MPPED1: variants seen among roughly 807,000 people sequenced by gnomAD.
MPPED1 encodes the protein metallophosphoesterase domain containing 1.
MPPED1 carries 16 observed loss-of-function variants against 36.2 expected under a neutral mutation model. The ratio of observed to expected loss-of-function variants is 0.44; its 90% CI spans 0.30 to 0.67. The LOEUF (loss-of-function observed/expected upper bound fraction) is 0.67. MPPED1 is among the 30% of genes least tolerant of loss of function. MPPED1 has a pLI of 0.10. For synonymous variants in MPPED1, 199 were observed against 191.3 expected, an observed-to-expected ratio of 1.04 and a Z score of -0.33; for missense variants, 307 against 453.4, an observed-to-expected ratio of 0.68 and a Z score of 2.93.
intron 5 of MPPED1, among the ~76,000 whole-genome samples, chr22:43,500,597 TCAGTCTCCCAG>T: frequency 6.6e-6 from 1 of 152,018 alleles, no homozygotes; most frequent in South Asian, 2.1e-4. Context: ...TGAATGAAGT[TCAGTCTCCCAG>T]CAGTTCGGCC....
At chr22:43,463,493 A>C (rs1400530019) in intron 3 of MPPED1, among the ~76,000 whole-genome samples, 1 of 151,962 alleles carries the variant, frequency 6.6e-6, no homozygotes, top group Non-Finnish European at 1.5e-5. Context: ...CACTGTGGCC[A>C]GCCTGATTTT....
chr22:43,475,586 GTGGTGGTGATGGTGGTGATGA>G (rs1384020812), intron 4 of MPPED1, among the ~76,000 whole-genome samples: 18 of 135,292 alleles, frequency 1.3e-4, no homozygotes, highest in Non-Finnish European at 1.6e-5. Context: ...GGTGGTGGTG[GTGGTGGTGATGGTGGTGATGA>G]TGGTGGTGAT....
intron 2 of MPPED1, among the ~76,000 whole-genome samples, chr22:43,426,671 G>A (rs1204143646): frequency 1.3e-5 from 2 of 152,232 alleles, no homozygotes; most frequent in African/African-American, 4.8e-5. Flanking sequence ...GGCCTCTGTT[G>A]TGGGGAGAGG....
At chr22:43,458,833 A>G (rs1205018093) in intron 3 of MPPED1, among the ~76,000 whole-genome samples, 1 of 152,094 alleles carries the variant, frequency 6.6e-6, no homozygotes, top group Admixed American at 6.5e-5. Context: ...CCTTCTTCCT[A>G]GCGTTTGTAT....
At chr22:43,447,341 G>A (rs1038941216) in intron 3 of MPPED1, among the ~76,000 whole-genome samples, 3 of 152,138 alleles carry the variant, frequency 2.0e-5, no homozygotes, top group African/African-American at 7.2e-5. Context: ...TTTTTAAAAT[G>A]TCATTTTCAT....
chr22:43,500,153 G>T lies in MPPED1; in HGVS notation c.748+1803G>T, dbSNP rs1456719286. ...AGGTGGTAATGGAGGTGGTGGGGGTGGTGGTGGTGATGGTGATGGAGGTGG... is the reference window on the plus strand; with the variant it reads ...AGGTGGTAATGGAGGTGGTGGGGGTTGTGGTGGTGATGGTGATGGAGGTGG... On this transcript the variant is annotated intron_variant, in intron 5 of 6. Coordinates refer to ENST00000443721, the MANE Select transcript of MPPED1 (RefSeq NM_001044370.2). Among the ~76,000 whole-genome samples, 8 of 105,838 alleles carry T rather than the reference G, an allele frequency of 7.6e-5. 1 individual carries two copies. The highest frequency in any genetic ancestry group is 4.1e-4 in the African/African-American group (8 of 19,444). 69.4% of individuals were successfully genotyped at this position (105,838 alleles called of 152,430 possible).
chr22:43,463,811 C>CTTTCTTTCTTTTTTT (rs1263255803), intron 3 of MPPED1, among the ~76,000 whole-genome samples: 415 of 24,242 alleles, frequency 0.017, 20 homozygotes, highest in Non-Finnish European at 0.027. Flanking sequence ...TTTTTCTTTT[C>CTTTCTTTCTTTTTTT]TTTCTTTCTT....
chr22:43,473,900 T>G (rs1348660413), intron 3 of MPPED1, among the ~76,000 whole-genome samples: 1 of 152,238 alleles, frequency 6.6e-6, no homozygotes, highest in Non-Finnish European at 1.5e-5. Flanking sequence ...GAGAAAGATG[T>G]GTACCTTGGA....
chr22:43,505,471 C>G, intron 6 of MPPED1, 27 bp from the exon 7 acceptor site: 1 of 1,579,812 alleles, frequency 6.3e-7, no homozygotes, highest in Non-Finnish European at 8.6e-7. Flanking sequence ...TGGCTGCTGG[C>G]CTGATGGGCA....
At chr22:43,495,513 T>G (rs1602016060) in intron 4 of MPPED1, among the ~76,000 whole-genome samples, 1 of 123,960 alleles carries the variant, frequency 8.1e-6, no homozygotes, top group Non-Finnish European at 1.7e-5. Flanking sequence ...GAGGTGGTGG[T>G]GGTGGTGGAG....
intron 3 of MPPED1, among the ~76,000 whole-genome samples, chr22:43,444,279 GGTGTGTGTGT>G (rs35340638): frequency 0.017 from 2,463 of 141,826 alleles, 68 homozygotes; most frequent in African/African-American, 0.057. Context: ...GACCCACTGG[GGTGTGTGTGT>G]GTGTGTGTGT....
intron 5 of MPPED1, among the ~76,000 whole-genome samples, chr22:43,500,944 C>T (rs373868981): frequency 1.2e-4 from 18 of 151,988 alleles, no homozygotes; most frequent in African/African-American, 3.9e-4. Flanking sequence ...AGGCAGAGGC[C>T]ATGGGGGAGG....
chr22:43,471,447 A>G (rs1931373409), intron 3 of MPPED1, among the ~76,000 whole-genome samples: 1 of 152,182 alleles, frequency 6.6e-6, no homozygotes, highest in African/African-American at 2.4e-5. Context: ...CAGCTGGACC[A>G]GCGTCCCCCT....
chr22:43,479,236 C>A (rs944101972), intron 4 of MPPED1, among the ~76,000 whole-genome samples: 1 of 152,312 alleles, frequency 6.6e-6, no homozygotes, highest in South Asian at 2.1e-4. Context: ...TCCTTTTCTT[C>A]CCCTCTGCCC....
At chr22:43,495,572 A>ATGGTGGAGGTGGTGG (rs1569088815) in intron 4 of MPPED1, among the ~76,000 whole-genome samples, 5 of 9,598 alleles carry the variant, frequency 5.2e-4, no homozygotes, top group Admixed American at 1.3e-3. Context: ...GGTGGAGGTG[A>ATGGTGGAGGTGGTGG]TGGTGGAGGT....
intron 3 of MPPED1, among the ~76,000 whole-genome samples, chr22:43,456,761 G>T (rs1212198913): frequency 6.6e-6 from 1 of 152,208 alleles, no homozygotes; most frequent in Non-Finnish European, 1.5e-5. Flanking sequence ...CTCCCAAAGT[G>T]CTGGGATTAC....
chr22:43,460,357 T>C (rs1036717500), intron 3 of MPPED1, among the ~76,000 whole-genome samples: 8 of 144,616 alleles, frequency 5.5e-5, no homozygotes, highest in African/African-American at 2.0e-4. Context: ...AGGGTCTCAC[T>C]CTGTCTCACT....
At chr22:43,463,379 C>G (rs367590643) in intron 3 of MPPED1, among the ~76,000 whole-genome samples, 1 of 148,168 alleles carries the variant, frequency 6.7e-6, no homozygotes, top group Non-Finnish European at 1.5e-5. Flanking sequence ...TCACCCAGGC[C>G]AGAGTGCAGT....
chr22:43,484,586 C>T (rs777116176), intron 4 of MPPED1, among the ~76,000 whole-genome samples: 1 of 152,230 alleles, frequency 6.6e-6, no homozygotes, highest in East Asian at 1.9e-4. Flanking sequence ...TCCCTCTCCC[C>T]TCACAGGGCC....
Sources: gnomAD v4.1 joint callset for allele counts (sites outside exome capture counted in the v4.1 genomes callset) on GRCh38, gnomAD v4.1.1 for gene constraint, MANE v1.5 for transcripts, NCBI Gene and HGNC (gene_info 2026-07-23, HGNC 2026-07-21) for gene names.